Variants in FSTL4 observed in about 807,000 individuals in gnomAD.
FSTL4 encodes the protein follistatin-related protein 4.
FSTL4 carries 28 observed loss-of-function variants against 78.2 expected under a neutral mutation model. The observed-to-expected ratio is 0.36, with a 90% CI of 0.27 to 0.49. The LOEUF (loss-of-function observed/expected upper bound fraction) is 0.49. Among genes scored for constraint, FSTL4 ranks in the 20% least tolerant of loss-of-function variants. The pLI, the probability that FSTL4 is intolerant of heterozygous loss-of-function variation, is 0.98. For missense variants in FSTL4, 922 were observed against 1,084.9 expected (o/e 0.85, Z 2.11); for synonymous variants, 422 against 440.5 (o/e 0.96, Z 0.53).
At chr5:133,698,144 A>T in the FSTL4 span, among the ~76,000 whole-genome samples, 32 of 152,172 alleles carry the variant, frequency 2.1e-4, no homozygotes, top group Non-Finnish European at 3.8e-4. Context: ...CACAGGGAGG[A>T]AGCAACTACT....
chr5:133,218,372 G>A (rs1750983192), intron 12 of FSTL4, among the ~76,000 whole-genome samples: 1 of 152,144 alleles, frequency 6.6e-6, no homozygotes, highest in Non-Finnish European at 1.5e-5. Flanking sequence ...ATCCGTGTAT[G>A]CTCCTGGATT....
At chr5:133,707,780 C>T in the FSTL4 span, among the ~76,000 whole-genome samples, 14 of 152,098 alleles carry the variant, frequency 9.2e-5, no homozygotes, top group East Asian at 2.7e-3. Flanking sequence ...AGCAGCTCTC[C>T]AGAGGCTGCA....
intron 4 of FSTL4, among the ~76,000 whole-genome samples, chr5:133,347,284 CT>C (rs1317879839): frequency 1.3e-5 from 2 of 152,186 alleles, no homozygotes; most frequent in African/African-American, 4.8e-5. Context: ...ACACAGCAGG[CT>C]CAGTTTAGTA....
At chr5:133,402,677 A>G (rs1263856918) in intron 3 of FSTL4, among the ~76,000 whole-genome samples, 1 of 152,250 alleles carries the variant, frequency 6.6e-6, no homozygotes, top group African/African-American at 2.4e-5. Context: ...AAAAAAAATC[A>G]GTTATCGGCA....
At chr5:133,749,496 T>C in the FSTL4 span, among the ~76,000 whole-genome samples, 1 of 152,196 alleles carries the variant, frequency 6.6e-6, no homozygotes, top group East Asian at 1.9e-4. Flanking sequence ...CTGAACCCCT[T>C]TGGGCAGTGC....
At chr5:133,217,508 CAG>C (rs1261644958) in intron 12 of FSTL4, 130 bp from the exon 13 acceptor site, 1 of 797,572 alleles carries the variant, frequency 1.3e-6, no homozygotes, top group Non-Finnish European at 1.9e-6. Flanking sequence ...ATCCATAGAA[CAG>C]GGCACCCAAG....
intron 4 of FSTL4, among the ~76,000 whole-genome samples, chr5:133,371,827 C>T (rs1215225725): frequency 2.0e-5 from 3 of 152,314 alleles, no homozygotes; most frequent in East Asian, 1.9e-4. Flanking sequence ...GACTCCTCAT[C>T]GTCAGACCTC....
chr5:133,669,429 T>C, the FSTL4 span, among the ~76,000 whole-genome samples: 1 of 152,198 alleles, frequency 6.6e-6, no homozygotes, highest in Non-Finnish European at 1.5e-5. Flanking sequence ...ATGCTCTGTG[T>C]TCTTGTCTAA....
chr5:133,412,834 T>G (rs1187493241), intron 3 of FSTL4, among the ~76,000 whole-genome samples: 1 of 152,192 alleles, frequency 6.6e-6, no homozygotes, highest in Non-Finnish European at 1.5e-5. Flanking sequence ...CTCTATGTAC[T>G]CATCAGAGAC....
At chr5:133,520,664 G>A (rs960682919) in intron 3 of FSTL4, among the ~76,000 whole-genome samples, 14 of 152,158 alleles carry the variant, frequency 9.2e-5, no homozygotes, top group African/African-American at 3.4e-4. Context: ...GTTCACAGAA[G>A]GGGTTTTTAA....
At chr5:133,580,189 G>A (rs989914863) in intron 2 of FSTL4, among the ~76,000 whole-genome samples, 11 of 151,932 alleles carry the variant, frequency 7.2e-5, no homozygotes, top group African/African-American at 2.4e-4. Context: ...ATCTCCTCTG[G>A]CCCCTCTTCA....
chr5:133,229,003 G>A (rs757908045), intron 8 of FSTL4, among the ~76,000 whole-genome samples: 1 of 152,146 alleles, frequency 6.6e-6, no homozygotes, highest in Non-Finnish European at 1.5e-5. Context: ...GGTACGTAAC[G>A]AGGCCAGTAC....
At chr5:133,742,830 G>A in the FSTL4 span, among the ~76,000 whole-genome samples, 2 of 152,144 alleles carry the variant, frequency 1.3e-5, no homozygotes, top group Non-Finnish European at 2.9e-5. Flanking sequence ...ATAGCAGGCT[G>A]GGGGTGTTCA....
At chr5:133,631,098 C>T in the FSTL4 span, among the ~76,000 whole-genome samples, 9,448 of 152,208 alleles carry the variant, frequency 0.062, 636 homozygotes, top group African/African-American at 0.17. Flanking sequence ...GCAAAGACTT[C>T]ATGACTAAAA....
chr5:133,718,067 A>T, the FSTL4 span, among the ~76,000 whole-genome samples: 43 of 151,380 alleles, frequency 2.8e-4, no homozygotes, highest in African/African-American at 1.0e-3. Flanking sequence ...TCCAATATTT[A>T]GTTTGTTTGT....
the FSTL4 span, among the ~76,000 whole-genome samples, chr5:133,690,532 G>A: frequency 6.6e-6 from 1 of 152,044 alleles, no homozygotes; most frequent in Non-Finnish European, 1.5e-5. Context: ...AGTTCTTAGA[G>A]AAGGAATAAA....
chr5:133,396,408 C>G (rs1285983057), intron 4 of FSTL4, among the ~76,000 whole-genome samples: 1 of 152,216 alleles, frequency 6.6e-6, no homozygotes, highest in Non-Finnish European at 1.5e-5. Context: ...CACATTGTCC[C>G]ATCAGCCTGG....
the FSTL4 span, among the ~76,000 whole-genome samples, chr5:133,638,218 C>T: frequency 2.6e-5 from 4 of 152,154 alleles, no homozygotes; most frequent in South Asian, 2.1e-4. Context: ...TTTACAGCCA[C>T]CACTCCCTTA....
At chr5:133,366,761 C>A (rs1025404971) in intron 4 of FSTL4, among the ~76,000 whole-genome samples, 3 of 151,616 alleles carry the variant, frequency 2.0e-5, no homozygotes, top group African/African-American at 7.3e-5. Flanking sequence ...ATGGAAGCGT[C>A]TCACACAAGC....
Sources: allele counts gnomAD v4.1 joint callset (sites outside exome capture counted in the v4.1 genomes callset), GRCh38; gene constraint gnomAD v4.1.1; transcripts MANE v1.5; gene names NCBI Gene and HGNC (gene_info 2026-07-23, HGNC 2026-07-21).